The following MAGI2 variants were observed in gnomAD, a reference collection of about 807,000 sequenced individuals.
MAGI2 encodes the protein membrane-associated guanylate kinase, WW and PDZ domain-containing protein 2.
In MAGI2, 35 loss-of-function variants were observed where a neutral mutation model predicts 133.3. The ratio of observed to expected loss-of-function variants is 0.26; its 90% CI spans 0.20 to 0.35. The LOEUF (loss-of-function observed/expected upper bound fraction) is 0.35, where lower values mean the gene tolerates loss of function less well. Ranked by LOEUF, MAGI2 falls within the 10% of genes least tolerant of loss-of-function variation. The probability of loss-of-function intolerance (pLI) is 1.00; values close to 1 mark genes in which losing one functional copy is unlikely to be tolerated. For missense variants in MAGI2, 1,636 were observed against 1,863.4 expected (o/e 0.88, Z 2.25); for synonymous variants, 729 against 710.6 (o/e 1.03, Z -0.41).
At chr7:79,101,379 A>T (rs1817951734) in intron 1 of MAGI2, among the ~76,000 whole-genome samples, 1 of 152,154 alleles carries the variant, frequency 6.6e-6, no homozygotes, top group African/African-American at 2.4e-5. Flanking sequence ...GTGATATCAC[A>T]GTGATAAAAG....
chr7:78,413,203 T>G (rs1295615182), intron 6 of MAGI2, among the ~76,000 whole-genome samples: 1 of 152,098 alleles, frequency 6.6e-6, no homozygotes, highest in African/African-American at 2.4e-5. Flanking sequence ...GGTTTTGCAC[T>G]TAGACATTTT....
At chr7:78,460,877 G>A (rs559083575) in intron 6 of MAGI2, among the ~76,000 whole-genome samples, 1 of 152,058 alleles carries the variant, frequency 6.6e-6, no homozygotes, top group East Asian at 1.9e-4. Context: ...CACTGGCTTT[G>A]GGTCTCTTCT....
intron 2 of MAGI2, among the ~76,000 whole-genome samples, chr7:78,755,778 G>T (rs1375145699): frequency 6.6e-6 from 1 of 152,090 alleles, no homozygotes; most frequent in Non-Finnish European, 1.5e-5. Flanking sequence ...GCTTTTGTTT[G>T]ATCACCCAAA....
intron 1 of MAGI2, among the ~76,000 whole-genome samples, chr7:79,022,022 G>A (rs1211708444): frequency 6.6e-6 from 1 of 152,130 alleles, no homozygotes; most frequent in African/African-American, 2.4e-5. Flanking sequence ...AGCAGTCATT[G>A]TCTATCCTGC....
intron 9 of MAGI2, among the ~76,000 whole-genome samples, chr7:78,270,732 G>T (rs924345925): frequency 6.6e-6 from 1 of 151,856 alleles, no homozygotes; most frequent in African/African-American, 2.4e-5. Flanking sequence ...ACAGACCAAC[G>T]AGACAGAAAA....
intron 5 of MAGI2, among the ~76,000 whole-genome samples, chr7:78,493,315 C>T (rs1793789591): frequency 1.3e-5 from 2 of 152,192 alleles, no homozygotes; most frequent in Non-Finnish European, 2.9e-5. Flanking sequence ...AAACATTCTT[C>T]TCACATAGAA....
intron 2 of MAGI2, among the ~76,000 whole-genome samples, chr7:78,999,903 T>C (rs939858886): frequency 6.6e-6 from 1 of 152,188 alleles, no homozygotes; most frequent in African/African-American, 2.4e-5. Context: ...TCTCAAATTT[T>C]CAAAGAACAA....
intron 1 of MAGI2, among the ~76,000 whole-genome samples, chr7:79,198,890 A>T (rs943722647): frequency 2.6e-5 from 4 of 152,010 alleles, no homozygotes; most frequent in Non-Finnish European, 4.4e-5. Context: ...CCTGTCTCAA[A>T]AAATAAATAA....
At chr7:78,664,540 G>A (rs967220916) in intron 2 of MAGI2, among the ~76,000 whole-genome samples, 1 of 151,932 alleles carries the variant, frequency 6.6e-6, no homozygotes, top group East Asian at 1.9e-4. Flanking sequence ...TTATGCACTA[G>A]TATGTTTTTC....
intron 1 of MAGI2, among the ~76,000 whole-genome samples, chr7:79,121,425 TA>T (rs901693646): frequency 1.4e-3 from 213 of 149,268 alleles, no homozygotes; most frequent in Non-Finnish European, 1.5e-3. Context: ...TTCTTTTTTC[TA>T]AAAAAAAAAA....
chr7:78,152,340 G>A (rs182805313), intron 16 of MAGI2, among the ~76,000 whole-genome samples: 220 of 152,320 alleles, frequency 1.4e-3, no homozygotes, highest in Non-Finnish European at 2.6e-3. Context: ...GAACCTGTGA[G>A]GAGCTGCTGG....
intron 1 of MAGI2, among the ~76,000 whole-genome samples, chr7:79,347,699 A>C (rs140066955): frequency 6.6e-6 from 1 of 151,854 alleles, no homozygotes; most frequent in Non-Finnish European, 1.5e-5. Flanking sequence ...AAGATTCCTT[A>C]CAGATATACT....
chr7:79,357,171 T>C (rs1463535586), intron 1 of MAGI2, among the ~76,000 whole-genome samples: 2 of 152,168 alleles, frequency 1.3e-5, no homozygotes, highest in Admixed American at 1.3e-4. Context: ...TTCAGATTAG[T>C]AAAGAATAAC....
At chr7:78,590,861 A>G (rs1803925555) in intron 3 of MAGI2, among the ~76,000 whole-genome samples, 1 of 152,156 alleles carries the variant, frequency 6.6e-6, no homozygotes. Flanking sequence ...CCTTTCCCTA[A>G]AGTAGTTCCA....
intron 1 of MAGI2, among the ~76,000 whole-genome samples, chr7:79,376,340 T>C (rs1325768638): frequency 6.6e-6 from 1 of 151,942 alleles, no homozygotes; most frequent in African/African-American, 2.4e-5. Flanking sequence ...ATATGGTTTC[T>C]CTCTCAAAAT....
At chr7:79,449,078 C>T (rs1166349642) in intron 1 of MAGI2, among the ~76,000 whole-genome samples, 2 of 152,102 alleles carry the variant, frequency 1.3e-5, no homozygotes, top group African/African-American at 2.4e-5. Flanking sequence ...TCATATACCT[C>T]ACATTTCTAC....
chr7:78,713,563 C>A (rs747400317), intron 2 of MAGI2, among the ~76,000 whole-genome samples: 3 of 152,122 alleles, frequency 2.0e-5, no homozygotes, highest in Non-Finnish European at 1.5e-5. Flanking sequence ...AAGGTATTTG[C>A]CAACTATCCC....
chr7:78,160,869 A>G (rs556332137), intron 15 of MAGI2, among the ~76,000 whole-genome samples: 7 of 152,360 alleles, frequency 4.6e-5, no homozygotes, highest in African/African-American at 1.4e-4. Context: ...CTAAAGAGCT[A>G]TAGTTCTATT....
chr7:78,245,129 A>G (rs1282216442), intron 10 of MAGI2, among the ~76,000 whole-genome samples: 1 of 152,242 alleles, frequency 6.6e-6, no homozygotes, highest in Non-Finnish European at 1.5e-5. Context: ...GCCCCCAAAT[A>G]CAACACCATG....
Sources: allele counts gnomAD v4.1 joint callset (sites outside exome capture counted in the v4.1 genomes callset), GRCh38; gene constraint gnomAD v4.1.1; transcripts MANE v1.5; gene names NCBI Gene and HGNC (gene_info 2026-07-23, HGNC 2026-07-21).